Variants in CNTNAP5 observed in about 807,000 individuals in gnomAD.
CNTNAP5 encodes the protein contactin associated protein family member 5, also known as contactin-associated protein-like 5.
A neutral mutation model predicts 150.2 loss-of-function variants in CNTNAP5; 72 were observed. The ratio of observed to expected loss-of-function variants is 0.48; its 90% CI spans 0.40 to 0.58. The LOEUF (loss-of-function observed/expected upper bound fraction) is 0.58, where lower values mean the gene tolerates loss of function less well. Among genes scored for constraint, CNTNAP5 ranks in the 20% least tolerant of loss-of-function variants. CNTNAP5 has a pLI of 0.00. For missense variants in CNTNAP5, 1,636 were observed against 1,626.2 expected, an observed-to-expected ratio of 1.01 and a Z score of -0.10; for synonymous variants, 672 against 619.8, an observed-to-expected ratio of 1.08 and a Z score of -1.25.
intron 12 of CNTNAP5, among the ~76,000 whole-genome samples, chr2:124,622,263 C>T (rs1210034771): frequency 5.3e-5 from 8 of 152,206 alleles, no homozygotes; most frequent in African/African-American, 1.9e-4. Flanking sequence ...AGGATAATGG[C>T]TTCCACCTCC....
chr2:124,881,768 G>A (rs1363712937), intron 21 of CNTNAP5, among the ~76,000 whole-genome samples: 2 of 152,002 alleles, frequency 1.3e-5, no homozygotes, highest in Non-Finnish European at 2.9e-5. Flanking sequence ...TGCTTCCTTG[G>A]GAAAAGTGTG....
chr2:124,146,045 A>C (rs570331119), intron 1 of CNTNAP5, among the ~76,000 whole-genome samples: 2 of 152,248 alleles, frequency 1.3e-5, no homozygotes, highest in South Asian at 4.1e-4. Flanking sequence ...TCTTATTCTC[A>C]GAAGAGCCCA....
intron 19 of CNTNAP5, among the ~76,000 whole-genome samples, chr2:124,819,193 C>T (rs1682433150): frequency 6.6e-6 from 1 of 152,116 alleles, no homozygotes; most frequent in Non-Finnish European, 1.5e-5. Flanking sequence ...TGTTTGTTGC[C>T]TGTCATCCAA....
intron 1 of CNTNAP5, among the ~76,000 whole-genome samples, chr2:124,133,691 T>G (rs941477449): frequency 2.0e-5 from 3 of 152,040 alleles, no homozygotes; most frequent in Non-Finnish European, 4.4e-5. Flanking sequence ...CCTCTGCAGT[T>G]GGAACAGATC....
chr2:124,866,783 A>G lies in CNTNAP5; in HGVS notation c.3348+1347A>G, dbSNP rs555884703. On this transcript the variant is annotated intron_variant, in intron 20 of 23. Transcript: ENST00000682447. Reference sequence around the variant, plus strand: ...CCTCAGCAAGCCCTTGCATCTGCCTATCAATCACTCCATGTTTTTTAATCT... The same window carrying G: ...CCTCAGCAAGCCCTTGCATCTGCCTGTCAATCACTCCATGTTTTTTAATCT... 1.1e-4 allele frequency among the ~76,000 whole-genome samples: 17 copies of G among 152,148 alleles called. No homozygotes were observed. In the South Asian group the frequency reaches 2.9e-3, roughly 26 times the overall value.
chr2:124,371,892 G>T (rs964666319), intron 3 of CNTNAP5, among the ~76,000 whole-genome samples: 18 of 152,206 alleles, frequency 1.2e-4, no homozygotes, highest in African/African-American at 4.1e-4. Context: ...CTGCAAAGAA[G>T]ATGTAATAGT....
chr2:124,716,349 T>C (rs1679944624), intron 13 of CNTNAP5, among the ~76,000 whole-genome samples: 2 of 152,130 alleles, frequency 1.3e-5, no homozygotes, highest in African/African-American at 4.8e-5. Flanking sequence ...TATATCGTTA[T>C]CCTTATTTTT....
rs185431634 is a variant in CNTNAP5 at position 124,221,687 on chromosome 2, G to C, written c.83-18G>C. On this transcript the variant is annotated intron_variant, in intron 1 of 23. Transcript: ENST00000682447. ...AATAGAATCTGGTCTCTCTCCCTCT[G>C]TCCTCCTATCATTATAGACAACTGT... 392 of 1,503,662 alleles carry C rather than the reference G, an allele frequency of 2.6e-4. 3 individuals are homozygous for C. The African/African-American group carries it at 4.7e-3, about 18-fold the overall frequency. The allele number at this position is 1,503,662 out of a possible 1,614,324, so 93.1% of individuals were successfully genotyped here.
intron 10 of CNTNAP5, 141 bp from the exon 11 acceptor site, chr2:124,563,076 T>C: frequency 1.7e-6 from 1 of 605,660 alleles, no homozygotes; most frequent in Non-Finnish European, 3.0e-6. Context: ...TTTGATGTCA[T>C]TCAATCTGCC....
chr2:124,546,753 A>G (rs1001977916), intron 10 of CNTNAP5, among the ~76,000 whole-genome samples: 2 of 152,118 alleles, frequency 1.3e-5, no homozygotes, highest in African/African-American at 2.4e-5. Flanking sequence ...TTTTCCTTCT[A>G]GTATGGAGGA....
intron 6 of CNTNAP5, among the ~76,000 whole-genome samples, chr2:124,471,620 G>T (rs1180832351): frequency 6.6e-6 from 1 of 152,134 alleles, no homozygotes; most frequent in East Asian, 1.9e-4. Flanking sequence ...AGTGGTGAGA[G>T]AGGGCATCTG....
chr2:124,411,488 T>G (rs1385288428), intron 3 of CNTNAP5, among the ~76,000 whole-genome samples: 3 of 150,850 alleles, frequency 2.0e-5, no homozygotes, highest in Admixed American at 6.6e-5. Flanking sequence ...AATAAAATAC[T>G]GGGAAAATGA....
At chr2:124,478,157 A>T (rs186369145) in intron 7 of CNTNAP5, among the ~76,000 whole-genome samples, 1 of 152,238 alleles carries the variant, frequency 6.6e-6, no homozygotes, top group African/African-American at 2.4e-5. Context: ...GAAAAAAAAA[A>T]CTTCAGTTTC....
chr2:124,449,778 G>A (rs1301190872), intron 6 of CNTNAP5, among the ~76,000 whole-genome samples: 1 of 152,148 alleles, frequency 6.6e-6, no homozygotes, highest in Non-Finnish European at 1.5e-5. Context: ...GATTATAAAA[G>A]AAGATAGATT....
chr2:124,053,075 C>T (rs902120643), intron 1 of CNTNAP5, among the ~76,000 whole-genome samples: 16 of 136,860 alleles, frequency 1.2e-4, no homozygotes, highest in African/African-American at 2.7e-4. Flanking sequence ...CCACATTATT[C>T]GGAAACCATC....
chr2:124,047,034 G>A (rs1217075220), intron 1 of CNTNAP5, among the ~76,000 whole-genome samples: 2 of 152,124 alleles, frequency 1.3e-5, no homozygotes, highest in Non-Finnish European at 2.9e-5. Flanking sequence ...TCCATCTTAA[G>A]TATCAATCAC....
intron 12 of CNTNAP5, among the ~76,000 whole-genome samples, chr2:124,635,269 C>T (rs1397095958): frequency 6.6e-6 from 1 of 152,070 alleles, no homozygotes; most frequent in South Asian, 2.1e-4. Context: ...AGGCTACACA[C>T]TTTTAAACAA....
chr2:124,375,472 C>G (rs1389570718), intron 3 of CNTNAP5, among the ~76,000 whole-genome samples: 1 of 151,986 alleles, frequency 6.6e-6, no homozygotes. Context: ...AACTGAGGGG[C>G]ATTCTATAAA....
At chr2:124,357,505 A>AGCTTTCAGCT (rs1219323181) in intron 3 of CNTNAP5, among the ~76,000 whole-genome samples, 3 of 152,064 alleles carry the variant, frequency 2.0e-5, no homozygotes, top group Non-Finnish European at 4.4e-5. Flanking sequence ...GAAGGGATCC[A>AGCTTTCAGCT]GTTTCAGCTT....
Sources: allele counts gnomAD v4.1 joint callset (sites outside exome capture counted in the v4.1 genomes callset), GRCh38; gene constraint gnomAD v4.1.1; transcripts MANE v1.5; gene names NCBI Gene and HGNC (gene_info 2026-07-23, HGNC 2026-07-21).